The following JMY variants were observed in gnomAD, a reference collection of about 807,000 sequenced individuals.
The protein encoded by JMY is junction mediating and regulatory protein, p53 cofactor.
JMY carries 46 observed loss-of-function variants against 103.3 expected under a neutral mutation model. The observed-to-expected ratio is 0.45, with a 90% confidence interval of 0.35 to 0.57. JMY has a LOEUF of 0.57. JMY is among the 20% of genes least tolerant of loss of function. The pLI, the probability that JMY is intolerant of heterozygous loss-of-function variation, is 0.00. For missense variants in JMY, 1,238 were observed against 1,255.2 expected (o/e 0.99, Z 0.21); for synonymous variants, 526 against 489.3 (o/e 1.07, Z -0.99).
chr5:79,316,682 G>C (rs1407447699), intron 10 of JMY, among the ~76,000 whole-genome samples: 1 of 151,966 alleles, frequency 6.6e-6, no homozygotes, highest in African/African-American at 2.4e-5. Flanking sequence ...GAAGCAGGCA[G>C]ATCACTTGAG....
chr5:79,257,593 C>A (rs1369037908), intron 1 of JMY, among the ~76,000 whole-genome samples: 1 of 152,064 alleles, frequency 6.6e-6, no homozygotes, highest in African/African-American at 2.4e-5. Context: ...AGCAGCGTGA[C>A]CCTGTCTCAA....
chr5:79,287,507 ATGG>A (rs1480307627), intron 2 of JMY, among the ~76,000 whole-genome samples: 1 of 152,206 alleles, frequency 6.6e-6, no homozygotes, highest in Non-Finnish European at 1.5e-5. Flanking sequence ...AAGGCTGGGC[ATGG>A]TGGTGTGCAC....
intron 1 of JMY, among the ~76,000 whole-genome samples, chr5:79,263,630 A>G (rs1370867829): frequency 5.3e-5 from 8 of 150,762 alleles, no homozygotes; most frequent in South Asian, 4.2e-4. Context: ...CCTGACCTCA[A>G]GGTGTTCCAA....
chr5:79,287,521 T>G (rs1746302857), intron 2 of JMY, among the ~76,000 whole-genome samples: 2 of 152,140 alleles, frequency 1.3e-5, no homozygotes, highest in Admixed American at 1.3e-4. Context: ...TGGTGTGCAC[T>G]TGTAGTGTCA....
rs1243091090 is a variant in JMY at position 79,237,095 on chromosome 5, A to G, written c.445A>G (p.Ile149Val). 9 of 1,547,894 alleles carry G rather than the reference A, an allele frequency of 5.8e-6. No individual in the cohort carries two copies. The highest frequency in any genetic ancestry group is 1.7e-4 in the Middle Eastern group (1 of 6,002). ...RLRSPVRAKP[I>V]PGQKTSEADD... is the part of the protein sequence containing the mutation. Reference sequence around the variant, plus strand: ...TAGGAGCCCAGTGCGGGCCAAACCCATCCCGGGTCAGAAAACATCTGAAGC... The same window carrying G: ...TAGGAGCCCAGTGCGGGCCAAACCCGTCCCGGGTCAGAAAACATCTGAAGC... Residue 149 changes from isoleucine (I) to valine (V), a missense_variant, in exon 1 of 11, where the codon ATC (isoleucine) becomes GTC (valine). Ile to Val is a conservative substitution (Grantham distance 29, BLOSUM62 3). Transcript: ENST00000396137.
At chr5:79,267,855 G>C (rs1293285676) in intron 1 of JMY, among the ~76,000 whole-genome samples, 1 of 152,204 alleles carries the variant, frequency 6.6e-6, no homozygotes, top group Admixed American at 6.5e-5. Flanking sequence ...TAGTGTGCAG[G>C]TTTTTGTGTA....
intron 7 of JMY, among the ~76,000 whole-genome samples, chr5:79,308,400 A>G (rs1156944390): frequency 6.6e-6 from 1 of 152,178 alleles, no homozygotes; most frequent in East Asian, 1.9e-4. Context: ...TGTGAAGGGT[A>G]TAAGGTTTGT....
chr5:79,279,699 A>G (rs904768393), intron 2 of JMY, among the ~76,000 whole-genome samples: 3 of 151,690 alleles, frequency 2.0e-5, no homozygotes, highest in South Asian at 2.1e-4. Flanking sequence ...CTTTATCAAT[A>G]CTTTTGGAAA....
chr5:79,263,734 T>A (rs1437968937), intron 1 of JMY, among the ~76,000 whole-genome samples: 1 of 151,994 alleles, frequency 6.6e-6, no homozygotes, highest in African/African-American at 2.4e-5. Context: ...AGTACACCGG[T>A]GCAATCATGG....
rs1561298007 is a variant in JMY at position 79,270,620 on chromosome 5, A to ATATTTACATAAATATT, written c.1033-7288_1033-7287insTTTACATAAATATTTA. Among the ~76,000 whole-genome samples, 100 of 135,296 alleles carry ATATTTACATAAATATT rather than the reference A, an allele frequency of 7.4e-4. 5 individuals are homozygous for ATATTTACATAAATATT. The highest frequency in any genetic ancestry group is 2.7e-3 in the African/African-American group (92 of 34,402). The allele number at this position is 135,296 out of a possible 152,430, so 88.8% of individuals were successfully genotyped here. On this transcript the variant is annotated intron_variant, in intron 1 of 10. Coordinates refer to ENST00000396137, the MANE Select transcript of JMY (RefSeq NM_152405.5). ...AATGTATATTTACATAAATGTTTAT[A>ATATTTACATAAATATT]TAAAATATATTTACATAAATATTTA...
chr5:79,253,998 A>T (rs1338828781), intron 1 of JMY, among the ~76,000 whole-genome samples: 1 of 147,976 alleles, frequency 6.8e-6, no homozygotes, highest in Admixed American at 6.8e-5. Context: ...CACAGGCTAC[A>T]GTGCAGTGGC....
In JMY at chr5:79,270,496, A is replaced by G. The variant is rs1379076817; in HGVS notation, c.1033-7414A>G. 8.1e-3 allele frequency among the ~76,000 whole-genome samples: 760 copies of G among 93,564 alleles called. 58 individuals are homozygous for G. The highest frequency in any genetic ancestry group is 0.018 in the South Asian group (55 of 3,012). 61.4% of individuals were successfully genotyped at this position (93,564 alleles called of 152,430 possible). ...ATATTTACATAAATATTTACATAAA[A>G]TATATATTTACATAAATATTTAAAA... is the stretch of plus-strand genomic sequence containing the variant. On this transcript the variant is annotated intron_variant, in intron 1 of 10. Transcript: ENST00000396137.
At chr5:79,303,717 C>T (rs977374814) in intron 6 of JMY, among the ~76,000 whole-genome samples, 1 of 152,112 alleles carries the variant, frequency 6.6e-6, no homozygotes, top group Non-Finnish European at 1.5e-5. Context: ...ATGATGATTC[C>T]ACACAACAGG....
chr5:79,283,714 A>G (rs1460588734), intron 2 of JMY, among the ~76,000 whole-genome samples: 1 of 152,196 alleles, frequency 6.6e-6, no homozygotes, highest in Non-Finnish European at 1.5e-5. Flanking sequence ...GATCTTCTCT[A>G]CTGAAACTCT....
intron 1 of JMY, among the ~76,000 whole-genome samples, chr5:79,258,040 G>T (rs1018068765): frequency 2.4e-4 from 36 of 152,274 alleles, no homozygotes; most frequent in Non-Finnish European, 5.0e-4. Context: ...TGGGATTACA[G>T]TCATGAGCCA....
At chr5:79,291,827 G>T (rs892418715) in intron 4 of JMY, among the ~76,000 whole-genome samples, 1 of 152,162 alleles carries the variant, frequency 6.6e-6, no homozygotes, top group South Asian at 2.1e-4. Flanking sequence ...TACCCATTTT[G>T]TGGGCTGCCC....
rs749446903 is a variant in JMY at position 79,237,529 on chromosome 5, G to A, written c.879G>A (p.Leu293=). 1.2e-6 allele frequency: 2 copies of A among 1,613,724 alleles called. No homozygotes were observed. Among genetic ancestry groups the A allele is most frequent in the African/African-American group, 1.3e-5 (1 of 75,008 alleles). The change falls in exon 1 of 11, where the codon CTG becomes CTA. Residue 293 remains leucine, a synonymous_variant. Transcript: ENST00000396137. ...DTLCYQLQVY[L]GHGLDTCGWK... ...TGTGTTACCAGCTCCAGGTCTACCT[G>A]GGCCACGGCCTGGACACCTGCGGCT...
intron 4 of JMY, among the ~76,000 whole-genome samples, chr5:79,292,455 AC>A (rs149048939): frequency 6.0e-5 from 9 of 149,900 alleles, no homozygotes; most frequent in African/African-American, 2.0e-4. Context: ...GCAGGCACGC[AC>A]CCCCCCCAAC....
chr5:79,313,908 G>C (rs553503858), intron 8 of JMY, among the ~76,000 whole-genome samples: 3 of 152,150 alleles, frequency 2.0e-5, no homozygotes, highest in Non-Finnish European at 4.4e-5. Context: ...ACTCAGGCTG[G>C]AGTGCGGTGG....
Sources: gnomAD v4.1 joint callset for allele counts (sites outside exome capture counted in the v4.1 genomes callset) on GRCh38, gnomAD v4.1.1 for gene constraint, MANE v1.5 for transcripts, NCBI Gene and HGNC (gene_info 2026-07-23, HGNC 2026-07-21) for gene names.